Variants in CNTN1 observed in about 807,000 individuals in gnomAD.
CNTN1 encodes the protein contactin 1, also known as contactin-1.
A neutral mutation model predicts 126.4 loss-of-function variants in CNTN1; 38 were observed. That is an observed-to-expected ratio of 0.30 (90% CI 0.23 to 0.39). The LOEUF (loss-of-function observed/expected upper bound fraction) is 0.39. Among genes scored for constraint, CNTN1 ranks in the 10% least tolerant of loss-of-function variants. The probability of loss-of-function intolerance (pLI) is 1.00; values close to 1 mark genes in which losing one functional copy is unlikely to be tolerated. For synonymous variants in CNTN1, 413 were observed against 422.6 expected (o/e 0.98, Z 0.28); for missense variants, 1,009 against 1,248.4 (o/e 0.81, Z 2.89).
At chr12:40,784,168 T>A (rs73112638) in intron 1 of CNTN1, among the ~76,000 whole-genome samples, 3,096 of 152,160 alleles carry the variant, frequency 0.02, 96 homozygotes, top group African/African-American at 0.07. Flanking sequence ...TAAAAGAAAA[T>A]ATAATTTCTG....
chr12:40,834,177 C>T (rs35067046), intron 1 of CNTN1, among the ~76,000 whole-genome samples: 6 of 152,032 alleles, frequency 3.9e-5, no homozygotes, highest in Admixed American at 1.3e-4. Flanking sequence ...ATCACAAGAT[C>T]GTATCTTTTG....
rs141991190 is a variant in CNTN1, at chr12:40,965,118, G to A, written c.1804+5884G>A. On this transcript the variant is annotated intron_variant, in intron 15 of 23. Coordinates refer to ENST00000551295, the MANE Select transcript of CNTN1 (RefSeq NM_001843.4). ...TATTGGCAAATCATGTGTTAGTTAC[G>A]TCTTTTCTCCTTCCCACTTTTTCAC... 1.2e-3 allele frequency among the ~76,000 whole-genome samples: 183 copies of A among 152,154 alleles called. 1 individual carries two copies. Among genetic ancestry groups the A allele is most frequent in the African/African-American group, 4.1e-3 (172 of 41,514 alleles).
chr12:40,900,683 G>A (rs1186843006), intron 1 of CNTN1, among the ~76,000 whole-genome samples: 3 of 152,124 alleles, frequency 2.0e-5, no homozygotes, highest in Admixed American at 1.3e-4. Flanking sequence ...GAACAAAAGA[G>A]GCACTGTTTT....
intron 23 of CNTN1, among the ~76,000 whole-genome samples, chr12:41,066,455 C>T (rs1219659614): frequency 1.3e-5 from 2 of 152,104 alleles, no homozygotes; most frequent in African/African-American, 2.4e-5. Context: ...AATCATTTAA[C>T]ATTATAGGTT....
intron 1 of CNTN1, among the ~76,000 whole-genome samples, chr12:40,733,257 C>T (rs1009756445): frequency 6.6e-6 from 1 of 152,032 alleles, no homozygotes; most frequent in Non-Finnish European, 1.5e-5. Flanking sequence ...AGCTTATAAA[C>T]CTGAATAAGG....
At chr12:40,912,268 TAA>T (rs1945066937) in intron 3 of CNTN1, among the ~76,000 whole-genome samples, 1 of 152,230 alleles carries the variant, frequency 6.6e-6, no homozygotes, top group African/African-American at 2.4e-5. Flanking sequence ...TCTATTGAGA[TAA>T]GAGAGCAAAT....
chr12:41,059,357 A>G (rs1949892164), intron 23 of CNTN1, among the ~76,000 whole-genome samples: 2 of 152,164 alleles, frequency 1.3e-5, no homozygotes, highest in Non-Finnish European at 2.9e-5. Flanking sequence ...CTGCATCACC[A>G]TTTGAAACCA....
intron 15 of CNTN1, chr12:40,971,423 T>A (rs1326223186): frequency 1.1e-5 from 17 of 1,592,916 alleles, no homozygotes; most frequent in Non-Finnish European, 1.4e-5. Flanking sequence ...CCTTGATCTT[T>A]CCTCTTGCAG....
At chr12:40,818,565 T>C (rs1323188241) in intron 1 of CNTN1, among the ~76,000 whole-genome samples, 2 of 152,152 alleles carry the variant, frequency 1.3e-5, no homozygotes, top group African/African-American at 2.4e-5. Context: ...GTTAGTAATT[T>C]CTCTAACCTT....
intron 23 of CNTN1, among the ~76,000 whole-genome samples, chr12:41,061,222 C>T (rs945154136): frequency 6.6e-6 from 1 of 152,182 alleles, no homozygotes; most frequent in African/African-American, 2.4e-5. Flanking sequence ...TGAGCATGTG[C>T]TTATTGGCCA....
intron 23 of CNTN1, among the ~76,000 whole-genome samples, chr12:41,037,677 C>T (rs1273770735): frequency 6.6e-6 from 1 of 151,392 alleles, no homozygotes; most frequent in African/African-American, 2.4e-5. Context: ...CACACACACA[C>T]ACACACACAC....
intron 1 of CNTN1, among the ~76,000 whole-genome samples, chr12:40,876,437 C>A (rs1943670487): frequency 6.6e-6 from 1 of 151,934 alleles, no homozygotes; most frequent in African/African-American, 2.4e-5. Flanking sequence ...CATAGAACCC[C>A]ATGAAAAAAT....
intron 1 of CNTN1, among the ~76,000 whole-genome samples, chr12:40,831,617 G>A (rs971607538): frequency 4.6e-5 from 7 of 152,094 alleles, no homozygotes; most frequent in African/African-American, 1.7e-4. Flanking sequence ...ACTCTGAGGA[G>A]TGCCTCAGTT....
chr12:40,742,560 G>A (rs1290571557), intron 1 of CNTN1: 1 of 149,154 alleles, frequency 6.7e-6, no homozygotes, highest in East Asian at 2.0e-4. Flanking sequence ...TTTTCTGTGA[G>A]ACAGAGTTTC....
At chr12:40,763,083 CCT>C (rs1418710704) in intron 1 of CNTN1, 1 of 152,296 alleles carries the variant, frequency 6.6e-6, no homozygotes, top group East Asian at 1.9e-4. Flanking sequence ...CACTTCTCTT[CCT>C]CTCTTTCTAG....
At chr12:40,869,006 T>C (rs1203584043) in intron 1 of CNTN1, among the ~76,000 whole-genome samples, 2 of 151,948 alleles carry the variant, frequency 1.3e-5, no homozygotes, top group Non-Finnish European at 2.9e-5. Flanking sequence ...TTTCAGATTT[T>C]TTTCAGAAAT....
intron 5 of CNTN1, among the ~76,000 whole-genome samples, chr12:40,923,781 G>C (rs924046496): frequency 6.6e-6 from 1 of 152,166 alleles, no homozygotes; most frequent in African/African-American, 2.4e-5. Context: ...TAGAGAAGTA[G>C]ATTTGAAAAG....
intron 15 of CNTN1, among the ~76,000 whole-genome samples, chr12:40,962,309 G>T (rs548539286): frequency 6.6e-6 from 1 of 152,118 alleles, no homozygotes; most frequent in Middle Eastern, 3.4e-3. Flanking sequence ...AAAAGGGTGA[G>T]TATATGCATA....
At chr12:40,945,718 C>T (rs1185330835) in intron 14 of CNTN1, among the ~76,000 whole-genome samples, 1 of 150,462 alleles carries the variant, frequency 6.6e-6, no homozygotes, top group Non-Finnish European at 1.5e-5. Flanking sequence ...ATCCCAGTCC[C>T]CTTTAAAAAA....
Sources: allele counts gnomAD v4.1 joint callset (sites outside exome capture counted in the v4.1 genomes callset), GRCh38; gene constraint gnomAD v4.1.1; transcripts MANE v1.5; gene names NCBI Gene and HGNC (gene_info 2026-07-23, HGNC 2026-07-21).